LUZP1: variants seen among roughly 807,000 people sequenced by gnomAD.
LUZP1 encodes filamin mechanobinding actin cross-linking protein.
Under a neutral mutation model 71.3 loss-of-function variants are expected in LUZP1, and 25 were observed. The observed-to-expected ratio is 0.35, with a 90% confidence interval of 0.26 to 0.49. The LOEUF (loss-of-function observed/expected upper bound fraction) is 0.49. Among genes scored for constraint, LUZP1 ranks in the 20% least tolerant of loss-of-function variants. The probability of loss-of-function intolerance (pLI) is 0.99; values close to 1 mark genes in which losing one functional copy is unlikely to be tolerated. For synonymous variants in LUZP1, 481 were observed against 506.4 expected, an observed-to-expected ratio of 0.95 and a Z score of 0.67; for missense variants, 1,142 against 1,300.8, an observed-to-expected ratio of 0.88 and a Z score of 1.88.
intron 2 of LUZP1, among the ~76,000 whole-genome samples, chr1:23,131,527 G>A (rs1350973817): frequency 2.0e-5 from 3 of 152,216 alleles, no homozygotes; most frequent in African/African-American, 7.2e-5. Context: ...GTTCACCACT[G>A]TACCCCAGTG....
chr1:23,091,668 G>C (rs989866099), exon 4 of LUZP1: 1 of 1,613,926 alleles, frequency 6.2e-7, no homozygotes, highest in Non-Finnish European at 8.5e-7. Context: ...GTCCTTCAGG[G>C]GCCCATCTGC....
At chr1:23,172,869 T>C (rs1051232165) in intron 1 of LUZP1, among the ~76,000 whole-genome samples, 12 of 151,950 alleles carry the variant, frequency 7.9e-5, no homozygotes, top group African/African-American at 2.7e-4. Context: ...AGTCTCGCTC[T>C]GTTGCTCAGG....
At chr1:23,159,428 T>C (rs1029592120) in intron 2 of LUZP1, among the ~76,000 whole-genome samples, 1 of 152,192 alleles carries the variant, frequency 6.6e-6, no homozygotes, top group African/African-American at 2.4e-5. Context: ...CTAACTGGCA[T>C]TCTTTTAAAA....
chr1:23,152,745 G>A (rs1351141419), intron 2 of LUZP1, among the ~76,000 whole-genome samples: 1 of 152,064 alleles, frequency 6.6e-6, no homozygotes, highest in East Asian at 1.9e-4. Flanking sequence ...TGGCCAGGCT[G>A]GTCTCGAACT....
At position 23,091,688 on chromosome 1, in the gene LUZP1, C is replaced by T. The variant is rs556348151; in HGVS notation, c.2574G>A (p.Ala858=). 1.5e-5 allele frequency: 25 copies of T among 1,614,048 alleles called. No individual in the cohort carries two copies. In the East Asian group the frequency reaches 2.2e-4, roughly 14 times the overall value. The change falls in exon 4 of 5, where the codon GCG becomes GCA. Residue 858 remains alanine (A), a synonymous_variant. Transcript: ENST00000302291. ...TCAGGGGCCCATCTGCCATTCTCTCCGCTTCTGCAAGCTGCAGGGTGATGT... is the reference window on the plus strand; with the variant it reads ...TCAGGGGCCCATCTGCCATTCTCTCTGCTTCTGCAAGCTGCAGGGTGATGT...
chr1:23,099,310 G>C (rs1198133939), intron 3 of LUZP1, among the ~76,000 whole-genome samples: 1 of 152,198 alleles, frequency 6.6e-6, no homozygotes, highest in Non-Finnish European at 1.5e-5. Context: ...ATGATACAAA[G>C]GGTCTGTGTT....
chr1:23,122,794 TC>T (rs1301341276), intron 2 of LUZP1, among the ~76,000 whole-genome samples: 1 of 152,108 alleles, frequency 6.6e-6, no homozygotes, highest in African/African-American at 2.4e-5. Flanking sequence ...TCTCCACACC[TC>T]CCCCATCTTC....
At chr1:23,105,508 T>C (rs1177374448) in intron 3 of LUZP1, among the ~76,000 whole-genome samples, 1 of 152,244 alleles carries the variant, frequency 6.6e-6, no homozygotes, top group East Asian at 1.9e-4. Flanking sequence ...TTGAATTCTC[T>C]ATGCTTCAAT....
Position 23,094,262 on chromosome 1 carries a change from G to A in LUZP1, c.-1C>T. Reference sequence around the variant, plus strand: ...CCTTGTAGCTTGTAAATTCGGCCATGTCTACTGCCAGCCAATGTGGGCTCC... The same window carrying A: ...CCTTGTAGCTTGTAAATTCGGCCATATCTACTGCCAGCCAATGTGGGCTCC... On this transcript the variant is annotated 5_prime_UTR_variant, in exon 4 of 5. Transcript: ENST00000302291. This position sits in a 1 kb window ranked among gnomAD's most constrained non-coding sequence, Gnocchi z 4.7. 1 of 1,594,168 alleles carries A rather than the reference G, an allele frequency of 6.3e-7. No homozygotes were observed. Among genetic ancestry groups the A allele is most frequent in the East Asian group, 2.2e-5 (1 of 44,760 alleles).
chr1:23,176,390 G>A (rs534909355), intron 1 of LUZP1, among the ~76,000 whole-genome samples: 48 of 152,230 alleles, frequency 3.2e-4, no homozygotes, highest in African/African-American at 1.1e-3. Context: ...TTTTATTGAC[G>A]AGAAAGGAGT....
At chr1:23,128,388 G>C (rs1644189130) in intron 2 of LUZP1, among the ~76,000 whole-genome samples, 2 of 152,150 alleles carry the variant, frequency 1.3e-5, no homozygotes, top group Admixed American at 1.3e-4. Flanking sequence ...TCAGCTAAAA[G>C]AGATAAATGT....
intron 2 of LUZP1, among the ~76,000 whole-genome samples, chr1:23,163,553 C>CT (rs1470785966): frequency 7.4e-5 from 7 of 94,104 alleles, no homozygotes; most frequent in Admixed American, 2.5e-4. Flanking sequence ...GATCCCGTCT[C>CT]TTAAAAAAAA....
intron 2 of LUZP1, among the ~76,000 whole-genome samples, chr1:23,123,469 G>A (rs995959110): frequency 1.4e-5 from 2 of 146,220 alleles, no homozygotes; most frequent in African/African-American, 5.1e-5. Context: ...TCCAGCCTGG[G>A]CAACAGAGTG....
At chr1:23,088,804 C>T in exon 5 of LUZP1, 1 of 1,508,090 alleles carries the variant, frequency 6.6e-7, no homozygotes, top group East Asian at 2.3e-5. Context: ...TGTGTCTTGC[C>T]TGGTTAACTG....
chr1:23,167,701 C>T (rs925232618), intron 2 of LUZP1, among the ~76,000 whole-genome samples: 2 of 152,242 alleles, frequency 1.3e-5, no homozygotes, highest in Non-Finnish European at 2.9e-5. Flanking sequence ...AGAGGCTCCT[C>T]CAAGGTTATG....
At chr1:23,144,957 A>G (rs1194375494) in intron 2 of LUZP1, among the ~76,000 whole-genome samples, 1 of 152,004 alleles carries the variant, frequency 6.6e-6, no homozygotes, top group Non-Finnish European at 1.5e-5. Context: ...CAGTGGTGGC[A>G]TGATCACAGC....
chr1:23,122,502 C>CT (rs1295640266), intron 2 of LUZP1, among the ~76,000 whole-genome samples: 2 of 152,162 alleles, frequency 1.3e-5, no homozygotes, highest in African/African-American at 4.8e-5. Context: ...TCCCCATTAC[C>CT]AACGCCCTGA....
At chr1:23,089,031 G>A (rs1643812722) in exon 5 of LUZP1, 4 of 1,614,018 alleles carry the variant, frequency 2.5e-6, no homozygotes, top group Non-Finnish European at 3.4e-6. Context: ...GACACTGAGT[G>A]TACAGTCTTC....
At chr1:23,116,241 T>G (rs905845903) in intron 2 of LUZP1, among the ~76,000 whole-genome samples, 8 of 151,982 alleles carry the variant, frequency 5.3e-5, no homozygotes, top group Non-Finnish European at 8.8e-5. Flanking sequence ...ATTAGCCAGG[T>G]GTGGTGGCGT....
Sources: gnomAD v4.1 joint callset for allele counts (sites outside exome capture counted in the v4.1 genomes callset) on GRCh38, gnomAD v4.1.1 for gene constraint, Gnocchi (gnomAD v3.1) non-coding constraint, MANE v1.5 for transcripts, NCBI Gene and HGNC (gene_info 2026-07-23, HGNC 2026-07-21) for gene names.